Variants in DLG2 observed in about 807,000 individuals in gnomAD.
DLG2 encodes discs large MAGUK scaffold protein 2.
Under a neutral mutation model 132.5 loss-of-function variants are expected in DLG2, and 45 were observed. That is an observed-to-expected ratio of 0.34 (90% CI 0.27 to 0.44). The LOEUF (loss-of-function observed/expected upper bound fraction) is 0.44. Among genes scored for constraint, DLG2 ranks in the 20% least tolerant of loss-of-function variants. DLG2 has a pLI of 1.00. For missense variants in DLG2, 1,045 were observed against 1,196.9 expected, an observed-to-expected ratio of 0.87 and a Z score of 1.87; for synonymous variants, 424 against 419.6, an observed-to-expected ratio of 1.01 and a Z score of -0.13.
At chr11:84,084,179 G>A (rs903588654) in intron 10 of DLG2, among the ~76,000 whole-genome samples, 7 of 152,172 alleles carry the variant, frequency 4.6e-5, no homozygotes, top group African/African-American at 1.7e-4. Flanking sequence ...TTGTAGTATT[G>A]TAGGCATGCA....
At chr11:83,729,619 C>T (rs1009105403) in intron 18 of DLG2, among the ~76,000 whole-genome samples, 1 of 152,202 alleles carries the variant, frequency 6.6e-6, no homozygotes, top group African/African-American at 2.4e-5. Flanking sequence ...CTTCACCATT[C>T]TCTGTGAGCT....
chr11:84,435,154 T>A (rs1389391601), intron 7 of DLG2, among the ~76,000 whole-genome samples: 2 of 152,162 alleles, frequency 1.3e-5, no homozygotes, highest in Non-Finnish European at 2.9e-5. Flanking sequence ...CCCCACTGTT[T>A]TGCAACTATA....
chr11:85,169,858 C>T (rs1566962575), intron 4 of DLG2, among the ~76,000 whole-genome samples: 1 of 152,144 alleles, frequency 6.6e-6, no homozygotes, highest in South Asian at 2.1e-4. Flanking sequence ...GATTCTGAGG[C>T]CTTCTAATTT....
At chr11:85,331,516 G>C (rs1354402923) in intron 3 of DLG2, among the ~76,000 whole-genome samples, 1 of 152,026 alleles carries the variant, frequency 6.6e-6, no homozygotes, top group Non-Finnish European at 1.5e-5. Context: ...TCTGTTACAT[G>C]GGTAAATTGC....
At chr11:84,281,443 T>A (rs982708540) in intron 7 of DLG2, among the ~76,000 whole-genome samples, 5 of 152,154 alleles carry the variant, frequency 3.3e-5, no homozygotes, top group Non-Finnish European at 7.4e-5. Context: ...TTGTCTTTTT[T>A]TAAAATTATT....
intron 6 of DLG2, chr11:84,936,845 C>T (rs2048806694): frequency 6.6e-6 from 1 of 152,112 alleles, no homozygotes; most frequent in African/African-American, 2.4e-5. Context: ...TAGAGGTTTT[C>T]AAATGAATTA....
chr11:83,736,379 C>T (rs887881412), intron 18 of DLG2, among the ~76,000 whole-genome samples: 3 of 151,992 alleles, frequency 2.0e-5, no homozygotes, highest in African/African-American at 7.2e-5. Flanking sequence ...TACTAATTAG[C>T]CAGATGGCCT....
chr11:83,588,132 A>G lies in DLG2; in HGVS notation c.1940+45079T>C, dbSNP rs529989996. ...AAGCTCGAACTGGGTGGAGCCCACC[A>G]CAGCTCAAGGAGGCCTGCCTGCCTC... On this transcript the variant is annotated intron_variant, in intron 19 of 27. Coordinates refer to ENST00000376104, the MANE Select transcript of DLG2 (RefSeq NM_001142699.3). 5.3e-5 allele frequency among the ~76,000 whole-genome samples: 8 copies of G among 152,058 alleles called. No individual in the cohort carries two copies. The South Asian group carries it at 1.5e-3, about 28-fold the overall frequency.
intron 3 of DLG2, among the ~76,000 whole-genome samples, chr11:85,377,110 TGTCTG>T (rs912054284): frequency 3.5e-4 from 53 of 152,294 alleles, no homozygotes; most frequent in African/African-American, 1.3e-3. Context: ...ATATAAACTG[TGTCTG>T]GCTATAGAAT....
chr11:84,764,853 G>T (rs945083631), intron 6 of DLG2, among the ~76,000 whole-genome samples: 80 of 152,038 alleles, frequency 5.3e-4, no homozygotes, highest in African/African-American at 1.8e-3. Flanking sequence ...TATTGTTACT[G>T]GTAAGTAAAG....
At chr11:85,480,839 G>A (rs79456376) in intron 3 of DLG2, among the ~76,000 whole-genome samples, 8,278 of 152,206 alleles carry the variant, frequency 0.054, 270 homozygotes, top group Middle Eastern at 0.15. Context: ...TAAATGTCAT[G>A]TTTCAATAGT....
chr11:83,502,350 A>G (rs1470364571), intron 21 of DLG2, among the ~76,000 whole-genome samples: 2 of 152,170 alleles, frequency 1.3e-5, no homozygotes, highest in Non-Finnish European at 2.9e-5. Context: ...TTGCTTGCAA[A>G]GATTCCAAGT....
At chr11:84,048,862 T>C (rs965086591) in intron 11 of DLG2, among the ~76,000 whole-genome samples, 11 of 151,462 alleles carry the variant, frequency 7.3e-5, no homozygotes, top group African/African-American at 2.4e-4. Context: ...ACACACACTA[T>C]TGACAAAGCT....
intron 12 of DLG2, among the ~76,000 whole-genome samples, chr11:83,980,151 T>G (rs1396647277): frequency 1.3e-5 from 2 of 152,108 alleles, no homozygotes; most frequent in Non-Finnish European, 2.9e-5. Flanking sequence ...TAAGGTTAAA[T>G]GAGTTAAAGA....
chr11:84,939,944 A>T (rs1254984301), intron 6 of DLG2, among the ~76,000 whole-genome samples: 1 of 152,108 alleles, frequency 6.6e-6, no homozygotes, highest in African/African-American at 2.4e-5. Flanking sequence ...TATACCTATC[A>T]GTGTGTTTGC....
intron 5 of DLG2, among the ~76,000 whole-genome samples, chr11:85,129,319 C>A (rs2075459697): frequency 6.6e-6 from 1 of 152,194 alleles, no homozygotes; most frequent in Non-Finnish European, 1.5e-5. Context: ...CTGATACATT[C>A]TGCAAATCAA....
chr11:85,150,913 G>A (rs527302190), intron 5 of DLG2, among the ~76,000 whole-genome samples: 13 of 152,160 alleles, frequency 8.5e-5, no homozygotes, highest in South Asian at 4.2e-4. Flanking sequence ...TTGCTGGATC[G>A]TACGGTATTT....
chr11:85,234,884 G>C (rs561540715), intron 4 of DLG2, among the ~76,000 whole-genome samples: 19 of 151,890 alleles, frequency 1.3e-4, no homozygotes, highest in African/African-American at 4.6e-4. Context: ...TTTTCATCAA[G>C]AGGGACAAAA....
At chr11:85,121,289 T>A (rs1347502537) in intron 5 of DLG2, among the ~76,000 whole-genome samples, 2 of 151,830 alleles carry the variant, frequency 1.3e-5, no homozygotes, top group Admixed American at 1.3e-4. Flanking sequence ...ATAACATCAT[T>A]TTTTAATTTT....
Sources: gnomAD v4.1 joint callset for allele counts (sites outside exome capture counted in the v4.1 genomes callset) on GRCh38, gnomAD v4.1.1 for gene constraint, MANE v1.5 for transcripts, NCBI Gene and HGNC (gene_info 2026-07-23, HGNC 2026-07-21) for gene names.